The following SCAF11 variants were observed in gnomAD, a reference collection of about 807,000 sequenced individuals.
SCAF11 encodes protein SCAF11.
SCAF11 carries 47 observed loss-of-function variants against 140.5 expected under a neutral mutation model. The observed-to-expected ratio is 0.33, with a 90% CI of 0.26 to 0.43. The LOEUF (loss-of-function observed/expected upper bound fraction) is 0.43, where lower values mean the gene tolerates loss of function less well. Among genes scored for constraint, SCAF11 ranks in the 20% least tolerant of loss-of-function variants. SCAF11 has a pLI of 1.00. For synonymous variants in SCAF11, 557 were observed against 579.4 expected (o/e 0.96, Z 0.55); for missense variants, 1,645 against 1,705.1 (o/e 0.96, Z 0.62).
chr12:45,923,873 C>CA (rs1479425760), intron 12 of SCAF11, among the ~76,000 whole-genome samples: 1 of 151,430 alleles, frequency 6.6e-6, no homozygotes, highest in African/African-American at 2.4e-5. Flanking sequence ...TTTTTCTAGA[C>CA]AGAGTCTTGC....
rs775681699 is a variant in SCAF11, at chr12:45,948,542, G to A, written c.298-5C>T. 5.2e-5 allele frequency: 82 copies of A among 1,562,482 alleles called. No homozygotes were observed. The highest frequency in any genetic ancestry group is 5.1e-4 in the Middle Eastern group (3 of 5,924). ...CAGCTGTTTTTTTACTTGAACCTAT[G>A]AGAAAAGCAAAATCAATTTAGAGCA... is the stretch of plus-strand genomic sequence containing the variant. On this transcript the variant is annotated splice_polypyrimidine_tract_variant and splice_region_variant and intron_variant, in intron 4 of 14. Coordinates refer to ENST00000369367, the MANE Select transcript of SCAF11 (RefSeq NM_004719.3).
intron 1 of SCAF11, among the ~76,000 whole-genome samples, chr12:45,972,891 TAG>T (rs1454815329): frequency 4.9e-4 from 17 of 34,372 alleles, no homozygotes; most frequent in African/African-American, 2.6e-4. Flanking sequence ...GATATATATA[TAG>T]ATATATATAT....
chr12:45,945,796 G>C (rs929577852), intron 5 of SCAF11, among the ~76,000 whole-genome samples: 2 of 152,010 alleles, frequency 1.3e-5, no homozygotes, highest in Admixed American at 6.6e-5. Flanking sequence ...GCCTCCCTAA[G>C]TGCTGGAATT....
chr12:45,983,148 C>T (rs559584565), intron 1 of SCAF11, among the ~76,000 whole-genome samples: 27 of 152,280 alleles, frequency 1.8e-4, no homozygotes, highest in Admixed American at 1.6e-3. Flanking sequence ...TCAAGTCTAT[C>T]TCTCTCCCAT....
chr12:45,930,352 A>G (rs1313098471), intron 10 of SCAF11, among the ~76,000 whole-genome samples: 1 of 152,236 alleles, frequency 6.6e-6, no homozygotes, highest in Admixed American at 6.5e-5. Flanking sequence ...ATGCACTGCA[A>G]GAGATCACTT....
chr12:45,941,731 T>C (rs1945306129), intron 6 of SCAF11, among the ~76,000 whole-genome samples: 1 of 152,232 alleles, frequency 6.6e-6, no homozygotes, highest in South Asian at 2.1e-4. Context: ...TCCTTCTTTC[T>C]TGTAGCCTAT....
At chr12:45,956,164 A>G (rs1363199137) in intron 3 of SCAF11, 2 of 716,710 alleles carry the variant, frequency 2.8e-6, no homozygotes, top group Admixed American at 4.0e-5. Flanking sequence ...TCTATCCTCA[A>G]TCACATAGGC....
At chr12:45,934,976 C>T (rs1945136841) in intron 6 of SCAF11, 1 of 152,338 alleles carries the variant, frequency 6.6e-6, no homozygotes, top group Admixed American at 6.5e-5. Context: ...CATAAATTAC[C>T]ATTTAGCCAC....
rs368716275 is a variant in SCAF11, at chr12:45,927,572, C to A, written c.2129G>T (p.Ser710Ile). The A allele has an allele frequency of 1.4e-5, 23 of 1,613,188 alleles. No individual in the cohort carries two copies. The highest frequency in any genetic ancestry group is 1.7e-5 in the Non-Finnish European group (20 of 1,179,938). ...THIEQIQKHFSEDNNEMIPME... is the reference protein window; with the variant it reads ...THIEQIQKHFIEDNNEMIPME... ...AGGTATCATTTCATTGTTGTCCTCA[C>A]TAAAATGCTTCTGAATCTGTTCAAT... The change falls in exon 11 of 15, where the codon AGT becomes ATT. Residue 710 changes from serine to isoleucine, a missense_variant. Around this residue, in one of 2 missense-constraint regions of SCAF11, gnomAD observed 1,582 missense variants for 1,609.2 expected, o/e 0.98. Transcript: ENST00000369367.
At chr12:45,966,694 T>C (rs555638870) in intron 1 of SCAF11, among the ~76,000 whole-genome samples, 15 of 152,180 alleles carry the variant, frequency 9.9e-5, no homozygotes, top group African/African-American at 3.1e-4. Flanking sequence ...GCAGAGAGAA[T>C]AGCCAATATG....
At chr12:45,924,683 T>C (rs751778354) in intron 12 of SCAF11, 45 bp downstream of exon 12, 1 of 1,472,144 alleles carries the variant, frequency 6.8e-7, no homozygotes, top group Non-Finnish European at 9.3e-7. Flanking sequence ...CAGCTAAATG[T>C]TTACAATGGC....
At chr12:45,981,922 T>C (rs1179867398) in intron 1 of SCAF11, among the ~76,000 whole-genome samples, 2 of 152,190 alleles carry the variant, frequency 1.3e-5, no homozygotes, top group Admixed American at 1.3e-4. Context: ...AAAGACTGAA[T>C]TATATGCCTG....
At chr12:45,978,855 C>A (rs1364354531) in intron 1 of SCAF11, among the ~76,000 whole-genome samples, 1 of 152,110 alleles carries the variant, frequency 6.6e-6, no homozygotes, top group African/African-American at 2.4e-5. Flanking sequence ...AGAAAGCTCT[C>A]TTAGTTCATT....
intron 13 of SCAF11, 64 bp downstream of exon 13, chr12:45,922,872 G>C (rs1944747373): frequency 2.1e-6 from 3 of 1,429,324 alleles, no homozygotes; most frequent in Non-Finnish European, 3.0e-6. Flanking sequence ...ACAATAAAAA[G>C]CTGATATTTT....
In SCAF11 at chr12:45,927,553, C is replaced by CA. The variant is rs1187717672; in HGVS notation, c.2147dup (p.Met716IlefsTer7). 1.2e-6 allele frequency: 2 copies of CA among 1,613,354 alleles called. No homozygotes were observed. The highest frequency in any genetic ancestry group is 1.7e-6 in the Non-Finnish European group (2 of 1,179,926). On this transcript the variant is annotated frameshift_variant, in exon 11 of 15. Coordinates refer to ENST00000369367, the MANE Select transcript of SCAF11 (RefSeq NM_004719.3). LOFTEE classifies it high-confidence loss of function. ...AAAATGAATCACACTCCATAGGTAT[C>CA]ATTTCATTGTTGTCCTCACTAAAAT...
At chr12:45,961,390 G>C (rs1945823319) in intron 3 of SCAF11, 1 of 704,790 alleles carries the variant, frequency 1.4e-6, no homozygotes, top group East Asian at 2.7e-5. Context: ...ATCCTATTAA[G>C]CACAGAGTCA....
intron 9 of SCAF11, among the ~76,000 whole-genome samples, chr12:45,932,851 T>C (rs1406307110): frequency 6.6e-6 from 1 of 152,156 alleles, no homozygotes; most frequent in East Asian, 1.9e-4. Context: ...GACAGATGTA[T>C]TACTAACAAT....
rs1946124750 is a variant in SCAF11 at position 45,972,913 on chromosome 12, T to TATAG, written c.-21-8726_-21-8725insCTAT. On this transcript the variant is annotated intron_variant, in intron 1 of 14. Coordinates refer to ENST00000369367, the MANE Select transcript of SCAF11 (RefSeq NM_004719.3). The stretch of plus-strand genomic sequence containing the variant: ...ATATAGATATATATATATATAGATA[T>TATAG]ATATATAGATATATAGATATATATA... Among the ~76,000 whole-genome samples the TATAG allele has an allele frequency of 2.2e-5, 2 of 90,484 alleles. 1 individual carries two copies. The highest frequency in any genetic ancestry group is 4.3e-5 in the Non-Finnish European group (2 of 46,556). 59.4% of individuals were successfully genotyped at this position (90,484 alleles called of 152,430 possible). A position where few individuals can be genotyped will look rare whatever the true frequency, so the allele number is the denominator to read the frequency against.
chr12:45,986,450 A>T lies in SCAF11; in HGVS notation c.-22+3903T>A, dbSNP rs374278299. On this transcript the variant is annotated intron_variant, in intron 1 of 14. Transcript: ENST00000369367. ...TATCATCCTAATTCAAGCTATCCTCATCTCTCCCAGACTACTAAAAAAGCC... is the reference window on the plus strand; with the variant it reads ...TATCATCCTAATTCAAGCTATCCTCTTCTCTCCCAGACTACTAAAAAAGCC... Among the ~76,000 whole-genome samples, 17 of 152,112 alleles carry T rather than the reference A, an allele frequency of 1.1e-4. No homozygotes were observed. In the East Asian group the frequency reaches 2.7e-3, roughly 24 times the overall value.
Sources: gnomAD v4.1 joint callset for allele counts (sites outside exome capture counted in the v4.1 genomes callset) on GRCh38, gnomAD v4.1.1 for gene constraint, gnomAD v4.1.1 regional missense constraint, MANE v1.5 for transcripts, NCBI Gene and HGNC (gene_info 2026-07-23, HGNC 2026-07-21) for gene names.